Variants in PTGER4 observed in about 807,000 individuals in gnomAD.
PTGER4 encodes prostaglandin E2 receptor EP4 subtype.
PTGER4 carries 11 observed loss-of-function variants against 33.2 expected under a neutral mutation model. The ratio of observed to expected loss-of-function variants is 0.33; its 90% CI spans 0.21 to 0.55. PTGER4 has a LOEUF of 0.55. Among genes scored for constraint, PTGER4 ranks in the 20% least tolerant of loss-of-function variants. The probability of loss-of-function intolerance (pLI) is 0.92; values close to 1 mark genes in which losing one functional copy is unlikely to be tolerated. For missense variants in PTGER4, 481 were observed against 650.2 expected (o/e 0.74, Z 2.83); for synonymous variants, 275 against 281.5 (o/e 0.98, Z 0.23).
chr5:40,705,088 C>T, the PTGER4 span, among the ~76,000 whole-genome samples: 14 of 152,192 alleles, frequency 9.2e-5, no homozygotes, highest in South Asian at 4.1e-4. Context: ...TATGAGGCTA[C>T]GGTGACCAAA....
In PTGER4 at chr5:40,680,810, G is replaced by A. The variant is rs1377961479; in HGVS notation, c.-43-141G>A. ...CCTGGAGATTTTGGTGGCCGCAGTTGGTAAGTGGCTACAATCCAGAAAGTA... is the reference window on the plus strand; with the variant it reads ...CCTGGAGATTTTGGTGGCCGCAGTTAGTAAGTGGCTACAATCCAGAAAGTA... On this transcript the variant is annotated intron_variant, in intron 1 of 2. Coordinates refer to ENST00000302472, the MANE Select transcript of PTGER4 (RefSeq NM_000958.3). This position sits in a 1 kb window ranked among gnomAD's most constrained non-coding sequence, Gnocchi z 5.5. 1.4e-6 allele frequency: 1 copy of A among 739,192 alleles called. No individual in the cohort carries two copies. The highest frequency in any genetic ancestry group is 1.8e-5 in the African/African-American group (1 of 56,812). The allele number at this position is 739,192 out of a possible 1,614,324, so 45.8% of individuals were successfully genotyped here. A position where few individuals can be genotyped will look rare whatever the true frequency, so the allele number is the denominator to read the frequency against.
At chr5:40,721,429 T>C in the PTGER4 span, among the ~76,000 whole-genome samples, 1 of 152,140 alleles carries the variant, frequency 6.6e-6, no homozygotes, top group Non-Finnish European at 1.5e-5. Flanking sequence ...TGGAACAGAA[T>C]AGACAGCCTA....
At chr5:40,726,139 T>C in the PTGER4 span, among the ~76,000 whole-genome samples, 4 of 87,266 alleles carry the variant, frequency 4.6e-5, no homozygotes, top group South Asian at 1.6e-3. Context: ...TCTCATAAAG[T>C]CTTTTATATA....
At chr5:40,738,528 ACAAT>A in the PTGER4 span, among the ~76,000 whole-genome samples, 1 of 133,894 alleles carries the variant, frequency 7.5e-6, no homozygotes, top group African/African-American at 2.8e-5. Context: ...AAAATAAAAT[ACAAT>A]AAAATACAAT....
At chr5:40,699,247 T>C in the PTGER4 span, among the ~76,000 whole-genome samples, 3 of 150,790 alleles carry the variant, frequency 2.0e-5, no homozygotes, top group South Asian at 2.1e-4. Context: ...TGAAAAGACA[T>C]AGCAATAGAT....
At chr5:40,698,416 A>T (rs1332928715), downstream of PTGER4, among the ~76,000 whole-genome samples, 1 of 152,228 alleles carries the variant, frequency 6.6e-6, no homozygotes, top group Non-Finnish European at 1.5e-5. Flanking sequence ...ACTCATCAGT[A>T]TACCAGTACT....
Position 40,681,011 on chromosome 5 carries a change from C to A in PTGER4, c.18C>A (p.Val6=). 6.2e-7 allele frequency: 1 copy of A among 1,612,700 alleles called. No homozygotes were observed. Among genetic ancestry groups the A allele is most frequent in the South Asian group, 1.1e-5 (1 of 90,874 alleles). The change falls in exon 2 of 3, where the codon GTC becomes GTA. Residue 6 remains valine (V), a synonymous_variant. Transcript: ENST00000302472. This position sits in a 1 kb window ranked among gnomAD's most constrained non-coding sequence, Gnocchi z 9.8. ...CCACTATCATGTCCACTCCCGGGGT[C>A]AATTCGTCCGCCTCCTTGAGCCCCG... MSTPG[V]NSSASLSPDR... is the part of the protein sequence containing the mutation.
At position 40,692,233 on chromosome 5, in the gene PTGER4, A is replaced by T. The variant is rs764197948; in HGVS notation, c.1322A>T (p.Asp441Val). The T allele has an allele frequency of 6.2e-7, 1 of 1,614,068 alleles. No individual in the cohort carries two copies. The highest frequency in any genetic ancestry group is 1.1e-5 in the South Asian group (1 of 91,078). The change falls in exon 3 of 3, where the codon GAC (aspartate) becomes GTC (valine). Residue 441 changes from aspartate to valine, a missense_variant. Coordinates refer to ENST00000302472, the MANE Select transcript of PTGER4 (RefSeq NM_000958.3). Reference sequence around the variant, plus strand: ...ACTTTGCGAATATCAGAGACCTCAGACTCTTCACAGGGTCAGGACTCAGAG... The same window carrying T: ...ACTTTGCGAATATCAGAGACCTCAGTCTCTTCACAGGGTCAGGACTCAGAG... ...LRTLRISETS[D>V]SSQGQDSESV... is the part of the protein sequence containing the mutation.
the PTGER4 span, among the ~76,000 whole-genome samples, chr5:40,739,702 G>A: frequency 9.9e-5 from 15 of 152,222 alleles, no homozygotes; most frequent in South Asian, 1.2e-3. Context: ...TTCCTATGCA[G>A]CCCACAGAAC....
chr5:40,716,086 T>C, the PTGER4 span: 4 of 1,373,026 alleles, frequency 2.9e-6, no homozygotes, highest in East Asian at 2.3e-5. Context: ...AATGTCTCTA[T>C]GTCAAAACTT....
the PTGER4 span, among the ~76,000 whole-genome samples, chr5:40,729,779 A>C: frequency 6.6e-6 from 1 of 152,046 alleles, no homozygotes; most frequent in African/African-American, 2.4e-5. Flanking sequence ...GCTCACTGCA[A>C]CCTCCGCCTC....
the PTGER4 span, among the ~76,000 whole-genome samples, chr5:40,743,099 A>G: frequency 1.3e-5 from 2 of 152,246 alleles, no homozygotes; most frequent in Non-Finnish European, 2.9e-5. Flanking sequence ...AAATAAGTGT[A>G]TACAGTAACT....
chr5:40,707,099 G>C, the PTGER4 span, among the ~76,000 whole-genome samples: 1 of 152,082 alleles, frequency 6.6e-6, no homozygotes, highest in Non-Finnish European at 1.5e-5. Flanking sequence ...AGACCATCAA[G>C]GCTACGAAGA....
At chr5:40,746,392 T>A in the PTGER4 span, among the ~76,000 whole-genome samples, 5 of 152,286 alleles carry the variant, frequency 3.3e-5, no homozygotes, top group East Asian at 1.9e-4. Flanking sequence ...TATTTTTTTT[T>A]ATGTATGTGC....
the PTGER4 span, among the ~76,000 whole-genome samples, chr5:40,741,625 A>G: frequency 2.0e-5 from 3 of 152,140 alleles, no homozygotes; most frequent in African/African-American, 7.2e-5. Flanking sequence ...CTCACGCAGC[A>G]AGACCACTGT....
In PTGER4 at chr5:40,692,656, G is replaced by A. The variant is rs746403357; in HGVS notation, c.*278G>A. 18 of 1,143,334 alleles carry A rather than the reference G, an allele frequency of 1.6e-5. No homozygotes were observed. Among genetic ancestry groups the A allele is most frequent in the Non-Finnish European group, 1.7e-5 (16 of 928,866 alleles). The allele number at this position is 1,143,334 out of a possible 1,614,324, so 70.8% of individuals were successfully genotyped here. A position where few individuals can be genotyped will look rare whatever the true frequency, so the allele number is the denominator to read the frequency against. On this transcript the variant is annotated 3_prime_UTR_variant, in exon 3 of 3. Transcript: ENST00000302472. ...TACCCTCCGTTTTTCTACTAGATAG[G>A]AGGATGGTAGAAGTTTGGCTGCTGT... is the stretch of plus-strand genomic sequence containing the variant.
At chr5:40,690,019 A>G (rs943627164) in intron 2 of PTGER4, among the ~76,000 whole-genome samples, 1 of 152,042 alleles carries the variant, frequency 6.6e-6, no homozygotes, top group Non-Finnish European at 1.5e-5. Context: ...AGTAATATCT[A>G]GGCAAAAAAA....
chr5:40,746,675 T>C, the PTGER4 span: 437 of 744,172 alleles, frequency 5.9e-4, no homozygotes, highest in Non-Finnish European at 4.3e-4. Context: ...CTTTGATTAA[T>C]TTAGCACCTA....
At chr5:40,745,221 T>C in the PTGER4 span, among the ~76,000 whole-genome samples, 2 of 152,142 alleles carry the variant, frequency 1.3e-5, no homozygotes. Context: ...AAAAGACATT[T>C]GGGGGAAAAC....
Sources: gnomAD v4.1 joint callset for allele counts (sites outside exome capture counted in the v4.1 genomes callset) on GRCh38, gnomAD v4.1.1 for gene constraint, Gnocchi (gnomAD v3.1) non-coding constraint, MANE v1.5 for transcripts, NCBI Gene and HGNC (gene_info 2026-07-23, HGNC 2026-07-21) for gene names.